The following BCL2L1 variants were observed in gnomAD, a reference collection of about 807,000 sequenced individuals.
BCL2L1 encodes BCL2 like 1, also known as bcl-2-like protein 1.
In BCL2L1, 1 loss-of-function variant was observed where a neutral mutation model predicts 18.7. That is an observed-to-expected ratio of 0.05 (90% CI 0.02 to 0.25). The LOEUF (loss-of-function observed/expected upper bound fraction) is 0.25, where lower values mean the gene tolerates loss of function less well. Ranked by LOEUF, BCL2L1 falls within the 10% of genes least tolerant of loss-of-function variation. The probability of loss-of-function intolerance (pLI) is 1.00; values close to 1 mark genes in which losing one functional copy is unlikely to be tolerated. For missense variants in BCL2L1, 207 were observed against 304.9 expected, an observed-to-expected ratio of 0.68 and a Z score of 2.39; for synonymous variants, 103 against 122.7, an observed-to-expected ratio of 0.84 and a Z score of 1.06.
intron 2 of BCL2L1, among the ~76,000 whole-genome samples, chr20:31,707,014 A>C (rs576361437): frequency 6.6e-6 from 1 of 152,220 alleles, no homozygotes; most frequent in Non-Finnish European, 1.5e-5. Flanking sequence ...ACCCATGTCA[A>C]GCACCTACTG....
intron 2 of BCL2L1, among the ~76,000 whole-genome samples, chr20:31,677,454 G>C (rs1336346599): frequency 6.6e-6 from 1 of 152,176 alleles, no homozygotes; most frequent in Non-Finnish European, 1.5e-5. Context: ...AAAGTGCTGA[G>C]ATTACAGGCG....
intron 2 of BCL2L1, among the ~76,000 whole-genome samples, chr20:31,693,262 G>GTTCTA (rs1427792727): frequency 1.3e-5 from 2 of 150,258 alleles, no homozygotes; most frequent in African/African-American, 4.9e-5. Context: ...GAAGCCAGGA[G>GTTCTA]TTCTAGACCA....
At chr20:31,679,433 C>T (rs1185621760) in intron 2 of BCL2L1, among the ~76,000 whole-genome samples, 2 of 152,204 alleles carry the variant, frequency 1.3e-5, no homozygotes, top group Admixed American at 6.5e-5. Context: ...CAGAGCACAG[C>T]CTGGTCTCAG....
chr20:31,716,087 G>GGATGCTATA (rs1205614921), intron 2 of BCL2L1, among the ~76,000 whole-genome samples: 1 of 152,106 alleles, frequency 6.6e-6, no homozygotes, highest in Non-Finnish European at 1.5e-5. Context: ...CTGTAGCTCA[G>GGATGCTATA]GATGCTATAT....
intron 2 of BCL2L1, among the ~76,000 whole-genome samples, chr20:31,712,053 G>C (rs1211082632): frequency 1.3e-5 from 2 of 152,192 alleles, no homozygotes; most frequent in Non-Finnish European, 2.9e-5. Flanking sequence ...AGGCTTCAGA[G>C]TAAGAGAGAC....
At chr20:31,709,572 G>A (rs1350258572) in intron 2 of BCL2L1, among the ~76,000 whole-genome samples, 1 of 151,982 alleles carries the variant, frequency 6.6e-6, no homozygotes, top group Admixed American at 6.6e-5. Flanking sequence ...GGTGGCTCAT[G>A]CCTGTAATCC....
intron 2 of BCL2L1, among the ~76,000 whole-genome samples, chr20:31,692,619 C>G (rs1279483245): frequency 6.6e-6 from 1 of 150,768 alleles, no homozygotes; most frequent in Non-Finnish European, 1.5e-5. Flanking sequence ...ACTAATAATA[C>G]AAAACTTAGG....
chr20:31,696,791 C>T (rs1024791670), intron 2 of BCL2L1, among the ~76,000 whole-genome samples: 14 of 152,036 alleles, frequency 9.2e-5, no homozygotes, highest in African/African-American at 3.1e-4. Flanking sequence ...TGTGGTGGCT[C>T]ACACCTGTAA....
chr20:31,700,038 A>C (rs899775310), intron 2 of BCL2L1, among the ~76,000 whole-genome samples: 4 of 152,156 alleles, frequency 2.6e-5, no homozygotes, highest in African/African-American at 9.7e-5. Flanking sequence ...TCCATTACTC[A>C]GTTTCATTTT....
At chr20:31,681,107 A>G (rs148167087) in intron 2 of BCL2L1, among the ~76,000 whole-genome samples, 2 of 152,338 alleles carry the variant, frequency 1.3e-5, no homozygotes, top group Admixed American at 6.5e-5. Flanking sequence ...ATCTGGAGGT[A>G]GCCAAGGGCC....
chr20:31,719,857 A>G (rs995182171), intron 2 of BCL2L1, among the ~76,000 whole-genome samples: 4 of 152,196 alleles, frequency 2.6e-5, no homozygotes, highest in African/African-American at 9.7e-5. Flanking sequence ...GCCAAAGACA[A>G]TAGTCAGGCA....
chr20:31,671,858 C>CAT (rs1173977135), intron 2 of BCL2L1, among the ~76,000 whole-genome samples: 10 of 147,322 alleles, frequency 6.8e-5, no homozygotes, highest in African/African-American at 2.5e-4. Context: ...CTATATATAC[C>CAT]ATATATATAC....
chr20:31,670,595 C>CA (rs2060652253), intron 2 of BCL2L1, among the ~76,000 whole-genome samples: 1 of 152,186 alleles, frequency 6.6e-6, no homozygotes, highest in African/African-American at 2.4e-5. Flanking sequence ...ATTTCAGTGC[C>CA]ATAGAAACAT....
At chr20:31,682,147 G>A (rs1242736104) in intron 2 of BCL2L1, among the ~76,000 whole-genome samples, 2 of 152,232 alleles carry the variant, frequency 1.3e-5, no homozygotes, top group Admixed American at 1.3e-4. Context: ...CTGACTGAGT[G>A]AATGAATGAA....
intron 2 of BCL2L1, among the ~76,000 whole-genome samples, chr20:31,689,910 G>A (rs1268324690): frequency 6.6e-6 from 1 of 152,124 alleles, no homozygotes; most frequent in Admixed American, 6.5e-5. Flanking sequence ...CCAGCTGCTC[G>A]GGAGGCTGAG....
At chr20:31,669,915 T>C (rs1278301514) in intron 2 of BCL2L1, among the ~76,000 whole-genome samples, 2 of 152,184 alleles carry the variant, frequency 1.3e-5, no homozygotes, top group Admixed American at 6.6e-5. Flanking sequence ...TCCTGAGATG[T>C]AGATTTGAGC....
intron 2 of BCL2L1, among the ~76,000 whole-genome samples, chr20:31,684,579 A>T (rs1000299758): frequency 6.6e-6 from 1 of 152,140 alleles, no homozygotes; most frequent in Non-Finnish European, 1.5e-5. Flanking sequence ...CAGAAGCACC[A>T]CCAATCCAGC....
At chr20:31,680,868 T>C (rs2060848013) in intron 2 of BCL2L1, among the ~76,000 whole-genome samples, 1 of 152,164 alleles carries the variant, frequency 6.6e-6, no homozygotes, top group African/African-American at 2.4e-5. Flanking sequence ...CAGAGAAACA[T>C]GGAAGAAGGT....
chr20:31,690,688 A>G (rs959784214), intron 2 of BCL2L1, among the ~76,000 whole-genome samples: 1 of 151,906 alleles, frequency 6.6e-6, no homozygotes, highest in Non-Finnish European at 1.5e-5. Context: ...CTCATGTCTC[A>G]GCTTCCCAAG....
Sources: allele counts gnomAD v4.1 joint callset (sites outside exome capture counted in the v4.1 genomes callset), GRCh38; gene constraint gnomAD v4.1.1; transcripts MANE v1.5; gene names NCBI Gene and HGNC (gene_info 2026-07-23, HGNC 2026-07-21).